Variants in CTNNA2 observed in about 807,000 individuals in gnomAD.
The protein encoded by CTNNA2 is catenin alpha-2.
Under a neutral mutation model 101.0 loss-of-function variants are expected in CTNNA2, and 42 were observed. The ratio of observed to expected loss-of-function variants is 0.42; its 90% CI spans 0.32 to 0.54. The LOEUF is 0.54. CTNNA2 is among the 20% of genes least tolerant of loss of function. The probability of loss-of-function intolerance (pLI) is 0.14; values close to 1 mark genes in which losing one functional copy is unlikely to be tolerated. For missense variants in CTNNA2, 871 were observed against 1,223.1 expected, an observed-to-expected ratio of 0.71 and a Z score of 4.29; for synonymous variants, 450 against 456.4, an observed-to-expected ratio of 0.99 and a Z score of 0.18.
At chr2:79,662,967 C>T (rs1271292281) in intron 2 of CTNNA2, among the ~76,000 whole-genome samples, 2 of 152,110 alleles carry the variant, frequency 1.3e-5, no homozygotes, top group South Asian at 2.1e-4. Context: ...TTCAGGCCTC[C>T]GACTTGGTTG....
intron 7 of CTNNA2, among the ~76,000 whole-genome samples, chr2:80,034,809 T>C (rs1011322787): frequency 6.6e-6 from 1 of 152,214 alleles, no homozygotes; most frequent in Non-Finnish European, 1.5e-5. Context: ...TCTCATAGAA[T>C]GCAGTGGGGG....
intron 7 of CTNNA2, among the ~76,000 whole-genome samples, chr2:80,002,283 C>T (rs994954833): frequency 2.6e-5 from 4 of 152,084 alleles, no homozygotes; most frequent in Non-Finnish European, 5.9e-5. Context: ...GCTGGTACCA[C>T]GTGGACCGCT....
intron 8 of CTNNA2, among the ~76,000 whole-genome samples, chr2:80,405,682 G>C (rs1678987370): frequency 6.6e-6 from 1 of 152,118 alleles, no homozygotes; most frequent in Admixed American, 6.5e-5. Flanking sequence ...TTAGCTGGGG[G>C]AATATCTGAT....
At chr2:80,365,511 T>C (rs1674835127) in intron 7 of CTNNA2, among the ~76,000 whole-genome samples, 1 of 152,070 alleles carries the variant, frequency 6.6e-6, no homozygotes, top group South Asian at 2.1e-4. Context: ...GCTCATTATA[T>C]TTTTACATTT....
chr2:79,191,074 A>G (rs1394315471), intron 1 of CTNNA2, among the ~76,000 whole-genome samples: 4 of 152,190 alleles, frequency 2.6e-5, no homozygotes, highest in Non-Finnish European at 5.9e-5. Flanking sequence ...TTCTAGTCCA[A>G]TTACACACTG....
intron 14 of CTNNA2, among the ~76,000 whole-genome samples, chr2:80,583,973 G>A (rs116740242): frequency 1.3e-4 from 20 of 152,248 alleles, no homozygotes; most frequent in African/African-American, 4.1e-4. Flanking sequence ...TGGTCTGTAC[G>A]ATTAAGTTGC....
chr2:79,897,156 A>T (rs918872874), intron 6 of CTNNA2, among the ~76,000 whole-genome samples: 1 of 152,172 alleles, frequency 6.6e-6, no homozygotes, highest in Non-Finnish European at 1.5e-5. Flanking sequence ...CACAAAATTA[A>T]TCTAATAGAA....
intron 3 of CTNNA2, among the ~76,000 whole-genome samples, chr2:79,826,718 T>C (rs1678466917): frequency 6.6e-6 from 1 of 152,224 alleles, no homozygotes; most frequent in African/African-American, 2.4e-5. Flanking sequence ...TCAACTTCCT[T>C]CATTTCAACA....
chr2:79,389,945 A>T (rs1263665051), intron 4 of CTNNA2, among the ~76,000 whole-genome samples: 1 of 152,198 alleles, frequency 6.6e-6, no homozygotes, highest in African/African-American at 2.4e-5. Context: ...CAGAATAAGC[A>T]TTCTAGGAAG....
At chr2:79,946,233 G>A (rs1219660236) in intron 7 of CTNNA2, among the ~76,000 whole-genome samples, 1 of 152,084 alleles carries the variant, frequency 6.6e-6, no homozygotes, top group East Asian at 1.9e-4. Context: ...CTAGAGCCAT[G>A]TCTCTTGACT....
At chr2:79,908,149 CA>C (rs1277324696) in intron 6 of CTNNA2, among the ~76,000 whole-genome samples, 5 of 152,160 alleles carry the variant, frequency 3.3e-5, no homozygotes, top group Non-Finnish European at 5.9e-5. Context: ...TCCATAAAAG[CA>C]TCTTTTATCT....
chr2:80,450,734 A>T (rs879752140), intron 9 of CTNNA2, among the ~76,000 whole-genome samples: 4 of 152,180 alleles, frequency 2.6e-5, no homozygotes, highest in African/African-American at 4.8e-5. Context: ...AGATTTTCAG[A>T]GGTGTCCAAA....
intron 3 of CTNNA2, among the ~76,000 whole-genome samples, chr2:79,350,764 G>A (rs6734043): frequency 0.82 from 124,125 of 152,184 alleles, 51,457 homozygotes; most frequent in East Asian, 0.99. Context: ...ACAGTGTATA[G>A]TCATTCCCTT....
chr2:80,084,551 G>T (rs1350187642), intron 7 of CTNNA2, among the ~76,000 whole-genome samples: 1 of 152,036 alleles, frequency 6.6e-6, no homozygotes, highest in Non-Finnish European at 1.5e-5. Context: ...ATTTGTCAAA[G>T]AAAACTTCGG....
chr2:79,564,663 T>A (rs951279890), intron 1 of CTNNA2, among the ~76,000 whole-genome samples: 41 of 152,196 alleles, frequency 2.7e-4, no homozygotes, highest in Non-Finnish European at 2.9e-5. Flanking sequence ...TAGCACACAT[T>A]AAAATTTTTT....
intron 15 of CTNNA2, among the ~76,000 whole-genome samples, chr2:80,599,139 A>G (rs1697244576): frequency 6.6e-6 from 1 of 152,200 alleles, no homozygotes; most frequent in Admixed American, 6.5e-5. Flanking sequence ...AATCTGTAAT[A>G]TTTCAAAATA....
At chr2:80,108,250 C>T (rs1573102647) in intron 7 of CTNNA2, among the ~76,000 whole-genome samples, 2 of 152,138 alleles carry the variant, frequency 1.3e-5, no homozygotes, top group African/African-American at 4.8e-5. Flanking sequence ...AGGTGGTCTC[C>T]ACTGACCTAC....
chr2:79,928,761 G>A (rs575222292), intron 7 of CTNNA2, among the ~76,000 whole-genome samples: 3 of 152,090 alleles, frequency 2.0e-5, no homozygotes, highest in African/African-American at 7.2e-5. Context: ...CTCTTAGTTT[G>A]GTTTGAAATC....
intron 2 of CTNNA2, among the ~76,000 whole-genome samples, chr2:79,704,869 C>G (rs1481363168): frequency 6.6e-6 from 1 of 152,102 alleles, no homozygotes; most frequent in African/African-American, 2.4e-5. Context: ...GAGCCCTGCA[C>G]TTTGTCTACA....
Sources: allele counts gnomAD v4.1 joint callset (sites outside exome capture counted in the v4.1 genomes callset), GRCh38; gene constraint gnomAD v4.1.1; transcripts MANE v1.5; gene names NCBI Gene and HGNC (gene_info 2026-07-23, HGNC 2026-07-21).